The following KHNYN variants were observed in gnomAD, a reference collection of about 807,000 sequenced individuals.
The protein encoded by KHNYN is KH and NYN domain containing, also known as protein KHNYN.
Under a neutral mutation model 62.7 loss-of-function variants are expected in KHNYN, and 42 were observed. The ratio of observed to expected loss-of-function variants is 0.67; its 90% confidence interval spans 0.52 to 0.87. KHNYN has a LOEUF of 0.87. KHNYN is among the 40% of genes least tolerant of loss of function. The pLI is 0.00. For synonymous variants in KHNYN, 347 were observed against 345.6 expected (o/e 1.00, Z -0.04); for missense variants, 829 against 874.1 (o/e 0.95, Z 0.65).
Position 24,440,014 on chromosome 14 carries a change from T to G in KHNYN, c.*2729T>G. 89 of 1,333,912 alleles carry G rather than the reference T, an allele frequency of 6.7e-5. No homozygotes were observed. The highest frequency in any genetic ancestry group is 2.1e-4 in the Middle Eastern group (1 of 4,832). The allele number at this position is 1,333,912 out of a possible 1,614,324, so 82.6% of individuals were successfully genotyped here. A position where few individuals can be genotyped will look rare whatever the true frequency, so the allele number is the denominator to read the frequency against. Reference sequence around the variant, plus strand: ...GATGGCTTCAGCTCTCTAGAGGAGCTGAGCCTATTCACAGTGCCTAACCTG... The same window carrying G: ...GATGGCTTCAGCTCTCTAGAGGAGCGGAGCCTATTCACAGTGCCTAACCTG... On this transcript the variant is annotated 3_prime_UTR_variant, in exon 8 of 8. Coordinates refer to ENST00000553935, the MANE Select transcript of KHNYN (RefSeq NM_015299.3).
In KHNYN at chr14:24,436,371, T is replaced by C; in HGVS notation, c.1686-17T>C. 5 of 1,609,838 alleles carry C rather than the reference T, an allele frequency of 3.1e-6. No individual in the cohort carries two copies. The highest frequency in any genetic ancestry group is 4.3e-6 in the Non-Finnish European group (5 of 1,176,162). On this transcript the variant is annotated splice_polypyrimidine_tract_variant and intron_variant, in intron 6 of 7. Coordinates refer to ENST00000553935, the MANE Select transcript of KHNYN (RefSeq NM_015299.3). ...AAGGGCCCCCTCTGTGACCACACATTATCTTTCGCCATCCAGCCTGCTGCC... is the reference window on the plus strand; with the variant it reads ...AAGGGCCCCCTCTGTGACCACACATCATCTTTCGCCATCCAGCCTGCTGCC...
In KHNYN at chr14:24,441,245, C is replaced by T. The variant is rs745556090; in HGVS notation, c.*3960C>T. ...ACTTGATGCAAGTTACTTAACCTCT[C>T]TGTATAGAATTTTCACATCTTTAAA... On this transcript the variant is annotated 3_prime_UTR_variant, in exon 8 of 8. Coordinates refer to ENST00000553935, the MANE Select transcript of KHNYN (RefSeq NM_015299.3). 2.7e-5 allele frequency: 13 copies of T among 473,502 alleles called. No individual in the cohort carries two copies. The highest frequency in any genetic ancestry group is 5.0e-5 in the Non-Finnish European group (13 of 261,162). 29.3% of individuals were successfully genotyped at this position (473,502 alleles called of 1,614,324 possible).
chr14:24,430,446 C>T (rs2043085774), intron 1 of KHNYN: 2 of 1,265,902 alleles, frequency 1.6e-6, no homozygotes, highest in East Asian at 3.6e-5. Flanking sequence ...GCCCCCCCAC[C>T]CTTCTTGCTC....
In KHNYN at chr14:24,432,388, G is replaced by A. The variant is rs2043135119; in HGVS notation, c.1127G>A (p.Cys376Tyr). The A allele has an allele frequency of 6.2e-7, 1 of 1,613,832 alleles. No homozygotes were observed. Among genetic ancestry groups the A allele is most frequent in the Non-Finnish European group, 8.5e-7 (1 of 1,179,958 alleles). Residue 376 changes from cysteine (C) to tyrosine (Y), a missense_variant, in exon 3 of 8, where the codon TGC (cysteine) becomes TAC (tyrosine). This residue lies in a region of KHNYN where 559 missense variants were observed against 527.0 expected (regional missense o/e 1.06). Transcript: ENST00000553935. The surrounding 1 kb of genome is among the most constrained non-coding windows in gnomAD (Gnocchi z 5.6). ...TGGCACTGTGGAGACCGGGGTGACTGCGGAGACCGGGGAGACGTGGGGGAC... is the reference window on the plus strand; with the variant it reads ...TGGCACTGTGGAGACCGGGGTGACTACGGAGACCGGGGAGACGTGGGGGAC... ...PPWHCGDRGD[C>Y]GDRGDVGDRG...
Position 24,440,954 on chromosome 14 carries a change from TG to T in KHNYN, c.*3672del. The T allele has an allele frequency of 1.2e-6, 2 of 1,613,706 alleles. No homozygotes were observed. Among genetic ancestry groups the T allele is most frequent in the Non-Finnish European group, 1.7e-6 (2 of 1,179,712 alleles). On this transcript the variant is annotated 3_prime_UTR_variant, in exon 8 of 8. Transcript: ENST00000553935. The stretch of plus-strand genomic sequence containing the variant: ...GCCGGTGGAACACAATCATTTGCCC[TG>T]GGTGTCCTTGGTCCTGCCTGGCTCT...
chr14:24,436,938 GC>G (rs2043214317), intron 7 of KHNYN, 97 bp from the exon 8 acceptor site: 1 of 1,475,514 alleles, frequency 6.8e-7, no homozygotes, highest in Non-Finnish European at 9.1e-7. Flanking sequence ...CTCCCCCAAA[GC>G]CAGGAATAGG....
At chr14:24,425,706 C>T (rs2043013302), upstream of KHNYN, among the ~76,000 whole-genome samples, 1 of 152,188 alleles carries the variant, frequency 6.6e-6, no homozygotes, top group African/African-American at 2.4e-5. Flanking sequence ...ATTAATATCT[C>T]ATTATAATTA....
At position 24,432,934 on chromosome 14, in the gene KHNYN, A is replaced by G; in HGVS notation, c.1481-2A>G. ...GAACCCTATTATGTTCTTTTTCAATAGAGAGTCACTTCCTGCAAAAGCTGT... is the reference window on the plus strand; with the variant it reads ...GAACCCTATTATGTTCTTTTTCAATGGAGAGTCACTTCCTGCAAAAGCTGT... On this transcript the variant is annotated splice_acceptor_variant, in intron 4 of 7. Coordinates refer to ENST00000553935, the MANE Select transcript of KHNYN (RefSeq NM_015299.3). LOFTEE classifies it high-confidence loss of function. The surrounding 1 kb of genome is among the most constrained non-coding windows in gnomAD (Gnocchi z 5.6). 1.9e-6 allele frequency: 3 copies of G among 1,614,154 alleles called. No homozygotes were observed. The highest frequency in any genetic ancestry group is 2.5e-6 in the Non-Finnish European group (3 of 1,179,990).
At position 24,439,311 on chromosome 14, in the gene KHNYN, T is replaced by C. The variant is rs1594761072; in HGVS notation, c.*2026T>C. ...TGCCCTTTTGTGCTAAGGGCCCTGG[T>C]TGACTGAGTGGCCCCAGTCAGATGA... On this transcript the variant is annotated 3_prime_UTR_variant, in exon 8 of 8. Transcript: ENST00000553935. The C allele has an allele frequency of 6.6e-6, 1 of 152,196 alleles. No individual in the cohort carries two copies. Among genetic ancestry groups the C allele is most frequent in the Admixed American group, 6.5e-5 (1 of 15,288 alleles). 9.4% of individuals were successfully genotyped at this position (152,196 alleles called of 1,614,324 possible).
chr14:24,427,028 C>G (rs927353538), upstream of KHNYN: 1 of 152,226 alleles, frequency 6.6e-6, no homozygotes, highest in Non-Finnish European at 1.5e-5. The surrounding 1 kb of genome is among the most constrained non-coding windows in gnomAD (Gnocchi z 4.4). Context: ...CCACTTCCAG[C>G]TCTGTATACC....
chr14:24,433,173 T>C, intron 5 of KHNYN, 141 bp downstream of exon 5: 1 of 747,078 alleles, frequency 1.3e-6, no homozygotes, highest in South Asian at 1.6e-5. Flanking sequence ...TCTGTGTGCC[T>C]TATGATTGGG....
rs1223867296 is a variant in KHNYN, at chr14:24,439,088, G to A, written c.*1803G>A. 6.6e-6 allele frequency: 1 copy of A among 152,284 alleles called. No homozygotes were observed. Among genetic ancestry groups the A allele is most frequent in the Non-Finnish European group, 1.5e-5 (1 of 68,108 alleles). 9.4% of individuals were successfully genotyped at this position (152,284 alleles called of 1,614,324 possible). On this transcript the variant is annotated 3_prime_UTR_variant, in exon 8 of 8. Transcript: ENST00000553935. ...TCCCTGAGAAGAGATTGGTTAGTATGGCCTGAACTGGTGGCTGGGGGAACT... is the reference window on the plus strand; with the variant it reads ...TCCCTGAGAAGAGATTGGTTAGTATAGCCTGAACTGGTGGCTGGGGGAACT...
In KHNYN at chr14:24,440,326, C is replaced by T; in HGVS notation, c.*3041C>T. ...AGGATGGAGCCACTCCATTCAGGAC[C>T]CCGTGCACGTGGTTTGCTTCAAGGG... On this transcript the variant is annotated 3_prime_UTR_variant, in exon 8 of 8. Coordinates refer to ENST00000553935, the MANE Select transcript of KHNYN (RefSeq NM_015299.3). 1 of 1,614,030 alleles carries T rather than the reference C, an allele frequency of 6.2e-7. No individual in the cohort carries two copies. Among genetic ancestry groups the T allele is most frequent in the Non-Finnish European group, 8.5e-7 (1 of 1,179,904 alleles).
At chr14:24,427,490 C>T (rs2043031627), upstream of KHNYN, 5 of 360,722 alleles carry the variant, frequency 1.4e-5, no homozygotes, top group Non-Finnish European at 2.6e-5. This position sits in a 1 kb window ranked among gnomAD's most constrained non-coding sequence, Gnocchi z 4.4. Flanking sequence ...GCAGAGGCCG[C>T]AAAGTAGTGC....
rs751467473 is a variant in KHNYN, at chr14:24,436,379, G to A, written c.1686-9G>A. The A allele has an allele frequency of 1.6e-5, 25 of 1,612,584 alleles. No individual in the cohort carries two copies. The East Asian group carries it at 1.8e-4, about 11-fold the overall frequency. On this transcript the variant is annotated splice_polypyrimidine_tract_variant and intron_variant, in intron 6 of 7. Coordinates refer to ENST00000553935, the MANE Select transcript of KHNYN (RefSeq NM_015299.3). ...CCTCTGTGACCACACATTATCTTTC[G>A]CCATCCAGCCTGCTGCCCTTTACCT...
At position 24,431,870 on chromosome 14, in the gene KHNYN, A is replaced by G. The variant is rs3742519; in HGVS notation, c.609A>G (p.Pro203=). 751 of 1,614,036 alleles carry G rather than the reference A, an allele frequency of 4.7e-4. 10 individuals carry two copies. In the East Asian group the frequency reaches 0.015, roughly 32 times the overall value. ...AGGAGGCGTCTAGTGGGCAGGGGCC[A>G]GGAGCACTGGCTTCTTGGGAGGGGC... is the stretch of plus-strand genomic sequence containing the variant. ...LVQEASSGQG[P]GALASWEGRS... Residue 203 remains proline (P), a synonymous_variant, in exon 3 of 8, where the codon CCA becomes CCG. Coordinates refer to ENST00000553935, the MANE Select transcript of KHNYN (RefSeq NM_015299.3).
chr14:24,437,076 T>G lies in KHNYN; in HGVS notation c.1828T>G (p.Phe610Val), dbSNP rs749970471. ...TAAGGCTCAGCATCCTTCCAGGGGC[T>G]TTGCAGAACATGGTAAACAGCAGCA... ...SSKAQHPSRG[F>V]AEHGKQQQGR... The change falls in exon 8 of 8, where the codon TTT becomes GTT. Residue 610 changes from phenylalanine (F) to valine (V), a missense_variant. Around this residue, in one of 2 missense-constraint regions of KHNYN, gnomAD observed 270 missense variants for 347.1 expected, o/e 0.78. Transcript: ENST00000553935. The surrounding 1 kb of genome is among the most constrained non-coding windows in gnomAD (Gnocchi z 5.5). 6.2e-7 allele frequency: 1 copy of G among 1,614,196 alleles called. No homozygotes were observed. The highest frequency in any genetic ancestry group is 8.5e-7 in the Non-Finnish European group (1 of 1,180,036).
rs767923585 is a variant in KHNYN at position 24,430,874 on chromosome 14, C to T, written c.144C>T (p.Asp48=). 1.2e-6 allele frequency: 2 copies of T among 1,613,942 alleles called. No homozygotes were observed. Among genetic ancestry groups the T allele is most frequent in the African/African-American group, 1.3e-5 (1 of 74,934 alleles). The change falls in exon 2 of 8, where the codon GAC becomes GAT. Residue 48 remains aspartate (D), a synonymous_variant. Transcript: ENST00000553935. ...GVSVLPKDCP[D]NPHIWLQLEG... The stretch of plus-strand genomic sequence containing the variant: ...GCGTCCTTCCGAAGGACTGTCCGGA[C>T]AACCCCCACATCTGGCTGCAGCTGG...
Position 24,431,910 on chromosome 14 carries a change from C to T in KHNYN, c.649C>T (p.Leu217=). ...ASWEGRSSAL[L]GAQCQGVRAP... ...TTGGGAGGGGCGGAGCTCAGCCTTG[C>T]TGGGTGCTCAGTGCCAAGGAGTGAG... The change falls in exon 3 of 8, where the codon CTG becomes TTG. Residue 217 remains leucine (L), a synonymous_variant. Transcript: ENST00000553935. 6.2e-7 allele frequency: 1 copy of T among 1,614,028 alleles called. No homozygotes were observed. Among genetic ancestry groups the T allele is most frequent in the South Asian group, 1.1e-5 (1 of 91,090 alleles).
Sources: allele counts gnomAD v4.1 joint callset (sites outside exome capture counted in the v4.1 genomes callset), GRCh38; gene constraint gnomAD v4.1.1; regional missense constraint gnomAD v4.1.1; non-coding constraint Gnocchi (gnomAD v3.1); transcripts MANE v1.5; gene names NCBI Gene and HGNC (gene_info 2026-07-23, HGNC 2026-07-21).